The following STMN1 variants were observed in gnomAD, a reference collection of about 807,000 sequenced individuals.
STMN1 encodes stathmin.
A neutral mutation model predicts 19.7 loss-of-function variants in STMN1; 3 were observed. The observed-to-expected ratio is 0.15, with a 90% confidence interval of 0.07 to 0.39. The LOEUF is 0.39. STMN1 is among the 10% of genes least tolerant of loss of function. STMN1 has a pLI of 1.00. For missense variants in STMN1, 99 were observed against 176.0 expected, an observed-to-expected ratio of 0.56 and a Z score of 2.48; for synonymous variants, 59 against 58.9, an observed-to-expected ratio of 1.00 and a Z score of -0.01.
intron 4 of STMN1, 101 bp from the exon 5 acceptor site, chr1:25,901,188 A>G (rs1360209275): frequency 6.5e-7 from 1 of 1,544,360 alleles, no homozygotes; most frequent in African/African-American, 1.4e-5. Flanking sequence ...GGCCCAACAC[A>G]ACCTCAGTGC....
chr1:25,905,008 G>T (rs1234590282), intron 1 of STMN1: 4 of 299,254 alleles, frequency 1.3e-5, no homozygotes, highest in Non-Finnish European at 2.5e-5. Context: ...AAAGTCACAA[G>T]GGTGAAGAAT....
intron 4 of STMN1, chr1:25,892,696 C>T (rs2048786940): frequency 4.5e-6 from 3 of 667,466 alleles, no homozygotes; most frequent in Non-Finnish European, 3.7e-6. Flanking sequence ...TCTCATCTAG[C>T]CTTCCTGGCC....
intron 3 of STMN1, 90 bp from the exon 4 acceptor site, chr1:25,901,772 G>A (rs983438755): frequency 2.5e-5 from 32 of 1,289,282 alleles, no homozygotes; most frequent in Non-Finnish European, 3.2e-5. Context: ...CACTTTGGGA[G>A]GCCAAGGTGG....
At chr1:25,904,268 A>G (rs78092370) in intron 2 of STMN1, among the ~76,000 whole-genome samples, 6,552 of 152,308 alleles carry the variant, frequency 0.043, 201 homozygotes, top group Non-Finnish European at 0.062. Flanking sequence ...TCAAGGCTGC[A>G]ATGAGCTATA....
intron 3 of STMN1, chr1:25,902,298 C>T (rs1200668021): frequency 6.6e-6 from 1 of 152,136 alleles, no homozygotes; most frequent in African/African-American, 2.4e-5. Flanking sequence ...TTGCGAGTGG[C>T]ACTTTTATTG....
At chr1:25,905,191 T>C (rs1373358930) in intron 1 of STMN1, 2 of 153,132 alleles carry the variant, frequency 1.3e-5, no homozygotes. Flanking sequence ...ACGCCCAAGC[T>C]AATAGTAACC....
intron 4 of STMN1, chr1:25,887,366 C>G (rs1377577733): frequency 1.8e-5 from 5 of 276,172 alleles, no homozygotes. Context: ...TACGGTAAGT[C>G]TACCCCTCAA....
At chr1:25,898,135 A>T (rs2048835792), downstream of STMN1, among the ~76,000 whole-genome samples, 1 of 152,142 alleles carries the variant, frequency 6.6e-6, no homozygotes, top group Admixed American at 6.5e-5. Flanking sequence ...GCCTTCAAAG[A>T]GCCTCCACTG....
chr1:25,903,546 T>C (rs1380856923), intron 3 of STMN1, 95 bp downstream of exon 3: 7 of 1,500,088 alleles, frequency 4.7e-6, no homozygotes, highest in Non-Finnish European at 6.4e-6. Context: ...AATCACAGTG[T>C]AGCTACAATT....
chr1:25,899,055 C>T (rs1257792212), downstream of STMN1, among the ~76,000 whole-genome samples: 2 of 152,178 alleles, frequency 1.3e-5, no homozygotes, highest in African/African-American at 4.8e-5. Context: ...TAAGATGCAT[C>T]CCCTTCAGTT....
intron 3 of STMN1, chr1:25,902,377 A>G (rs1233069876): frequency 6.6e-6 from 1 of 152,262 alleles, no homozygotes; most frequent in Non-Finnish European, 1.5e-5. Context: ...AATTTTAACC[A>G]TAACTGATAA....
In STMN1 at chr1:25,900,122, C is replaced by T; in HGVS notation, c.*894G>A. ...TTTAGTCATTTCACAGGAGTTGCTA[C>T]AGCAGTACATAAAGTTTTATTAATA... On this transcript the variant is annotated 3_prime_UTR_variant, in exon 5 of 5. Coordinates refer to ENST00000455785, the MANE Select transcript of STMN1 (RefSeq NM_005563.4). The T allele has an allele frequency of 3.0e-6, 3 of 985,816 alleles. No homozygotes were observed. The highest frequency in any genetic ancestry group is 3.6e-6 in the Non-Finnish European group (3 of 829,936). The allele number at this position is 985,816 out of a possible 1,614,324, so 61.1% of individuals were successfully genotyped here. A position where few individuals can be genotyped will look rare whatever the true frequency, so the allele number is the denominator to read the frequency against.
In STMN1 at chr1:25,904,744, A is replaced by G; in HGVS notation, c.-62-6T>C. The G allele has an allele frequency of 6.3e-7, 1 of 1,591,646 alleles. No homozygotes were observed. Among genetic ancestry groups the G allele is most frequent in the East Asian group, 2.2e-5 (1 of 44,546 alleles). On this transcript the variant is annotated splice_region_variant and splice_polypyrimidine_tract_variant and intron_variant, in intron 1 of 4. Transcript: ENST00000455785. Reference sequence around the variant, plus strand: ...CAACTGGGATAAGGAAAGTCCTGAAAATGATTTTCAAAAACATGCAATCAC... The same window carrying G: ...CAACTGGGATAAGGAAAGTCCTGAAGATGATTTTCAAAAACATGCAATCAC...
downstream of STMN1, among the ~76,000 whole-genome samples, chr1:25,895,491 G>A (rs537045350): frequency 3.9e-5 from 6 of 152,242 alleles, no homozygotes; most frequent in African/African-American, 1.4e-4. Context: ...GCAAATGCTG[G>A]GCCTCCAGCA....
upstream of STMN1, chr1:25,906,666 G>A (rs907523337): frequency 2.0e-5 from 3 of 152,818 alleles, no homozygotes; most frequent in East Asian, 5.8e-4. This position sits in a 1 kb window ranked among gnomAD's most constrained non-coding sequence, Gnocchi z 4.5. Context: ...TGGGACTAGG[G>A]GGGTGGTCTC....
At chr1:25,903,981 G>A (rs770294614) in intron 2 of STMN1, among the ~76,000 whole-genome samples, 168 bp from the exon 3 acceptor site, 9 of 152,100 alleles carry the variant, frequency 5.9e-5, no homozygotes, top group South Asian at 2.1e-4. Context: ...TGACACTAGG[G>A]GAAGATGTAT....
At chr1:25,904,820 CTACA>C in intron 1 of STMN1, 82 bp from the exon 2 acceptor site, 1 of 930,350 alleles carries the variant, frequency 1.1e-6, no homozygotes. Flanking sequence ...CACATCACAT[CTACA>C]TACATCGTCA....
In STMN1 at chr1:25,900,924, T is replaced by G. The variant is rs2048864689; in HGVS notation, c.*92A>C. ...AGTCCTACATTAGCTTCTAAAATAT[T>G]TGTCAGGAGGGAAAAAATAAAATGA... On this transcript the variant is annotated 3_prime_UTR_variant, in exon 5 of 5. Transcript: ENST00000455785. 6.3e-7 allele frequency: 1 copy of G among 1,599,488 alleles called. No homozygotes were observed. Among genetic ancestry groups the G allele is most frequent in the Admixed American group, 1.8e-5 (1 of 56,948 alleles).
chr1:25,886,478 C>T (rs919206583), intron 4 of STMN1, among the ~76,000 whole-genome samples: 16 of 151,766 alleles, frequency 1.1e-4, no homozygotes, highest in African/African-American at 2.7e-4. Flanking sequence ...TAGTGGGAGA[C>T]GAGTGCACCT....
Sources: allele counts gnomAD v4.1 joint callset (sites outside exome capture counted in the v4.1 genomes callset), GRCh38; gene constraint gnomAD v4.1.1; non-coding constraint Gnocchi (gnomAD v3.1); transcripts MANE v1.5; gene names NCBI Gene and HGNC (gene_info 2026-07-23, HGNC 2026-07-21).